PPP6R2: variants seen among roughly 807,000 people sequenced by gnomAD.
PPP6R2 encodes serine/threonine-protein phosphatase 6 regulatory subunit 2.
In PPP6R2, 62 loss-of-function variants were observed where a neutral mutation model predicts 100.2. That is an observed-to-expected ratio of 0.62 (90% CI 0.50 to 0.76). The LOEUF (loss-of-function observed/expected upper bound fraction) is 0.76, where lower values mean the gene tolerates loss of function less well. Ranked by LOEUF, PPP6R2 falls within the 30% of genes least tolerant of loss-of-function variation. The pLI is 0.00. For missense variants in PPP6R2, 1,142 were observed against 1,276.3 expected (o/e 0.89, Z 1.60); for synonymous variants, 525 against 514.7 (o/e 1.02, Z -0.27).
chr22:50,435,173 G>T, intron 13 of PPP6R2, 92 bp downstream of exon 13: 1 of 1,058,928 alleles, frequency 9.4e-7, no homozygotes, highest in Non-Finnish European at 1.3e-6. Flanking sequence ...CCCGGCAGCA[G>T]GTGCTGACTG....
rs1046202675 is a variant in PPP6R2, at chr22:50,431,907, C to A, written c.1336-358C>A. Among the ~76,000 whole-genome samples the A allele has an allele frequency of 6.6e-6, 1 of 152,056 alleles. No individual in the cohort carries two copies. The highest frequency in any genetic ancestry group is 2.4e-5 in the African/African-American group (1 of 41,388). On this transcript the variant is annotated intron_variant, in intron 11 of 23. Coordinates refer to ENST00000612753, the MANE Select transcript of PPP6R2 (RefSeq NM_001242898.2). The surrounding 1 kb of genome is among the most constrained non-coding windows in gnomAD (Gnocchi z 4.8). ...GGGCAGACAGCCCTAGTCGTTCTTC[C>A]GGACACAGAGAAAGAGGGCAGGAGA... is the stretch of plus-strand genomic sequence containing the variant.
At chr22:50,425,270 C>G (rs2061935593) in intron 10 of PPP6R2, among the ~76,000 whole-genome samples, 1 of 152,154 alleles carries the variant, frequency 6.6e-6, no homozygotes, top group African/African-American at 2.4e-5. Context: ...TTGTGACTGA[C>G]TTATTTCACT....
Position 50,422,290 on chromosome 22 carries a change from G to A in PPP6R2, c.882G>A (p.Leu294=), listed in dbSNP as rs372362426. 496 of 1,613,982 alleles carry A rather than the reference G, an allele frequency of 3.1e-4. No homozygotes were observed. The highest frequency in any genetic ancestry group is 4.0e-4 in the Non-Finnish European group (476 of 1,179,974). Residue 294 remains leucine, a synonymous_variant, in exon 9 of 24, where the codon CTG becomes CTA. Coordinates refer to ENST00000612753, the MANE Select transcript of PPP6R2 (RefSeq NM_001242898.2). ...EGLVDSFSQG[L]ERSYAVSSSV... ...TGGTGGACTCCTTTTCTCAGGGACT[G>A]GAAAGGTCATACGCTGTCAGCAGCA...
intron 2 of PPP6R2, among the ~76,000 whole-genome samples, chr22:50,392,517 C>T (rs1407606474): frequency 6.6e-6 from 1 of 152,200 alleles, no homozygotes; most frequent in Admixed American, 6.5e-5. Flanking sequence ...GTGTATAGAT[C>T]GGAGGCTGCA....
chr22:50,339,783 T>TGTG (rs1338800316), upstream of PPP6R2, among the ~76,000 whole-genome samples: 49 of 103,608 alleles, frequency 4.7e-4, 3 homozygotes, highest in African/African-American at 2.8e-3. Flanking sequence ...ATGTGGTGTG[T>TGTG]GTGTGGTGTG....
chr22:50,404,433 C>T (rs2058524395), intron 3 of PPP6R2, among the ~76,000 whole-genome samples: 1 of 151,880 alleles, frequency 6.6e-6, no homozygotes, highest in Non-Finnish European at 1.5e-5. Flanking sequence ...CTCTGCCACC[C>T]AGGCTGGAGT....
chr22:50,357,930 C>T (rs528233820), intron 1 of PPP6R2, among the ~76,000 whole-genome samples: 3 of 151,624 alleles, frequency 2.0e-5, no homozygotes, highest in East Asian at 1.9e-4. Flanking sequence ...GGCACCTGGC[C>T]CCTGGCTAAT....
chr22:50,332,603 G>C, the PPP6R2 span, among the ~76,000 whole-genome samples: 1 of 150,710 alleles, frequency 6.6e-6, no homozygotes, highest in South Asian at 2.1e-4. Context: ...TATGGTATGA[G>C]ATAAGGAGAT....
Position 50,419,399 on chromosome 22 carries a change from C to A in PPP6R2, c.782C>A (p.Thr261Lys), listed in dbSNP as rs773106672. The A allele has an allele frequency of 2.3e-5, 37 of 1,614,026 alleles. No individual in the cohort carries two copies. In the South Asian group the frequency reaches 3.7e-4, roughly 16 times the overall value. ...LLKNMFDGDR[T>K]ESCLVSGTQV... ...AAGAACATGTTTGATGGAGACCGGACGGAGAGCTGCCTCGTCAGTGGGACT... is the reference window on the plus strand; with the variant it reads ...AAGAACATGTTTGATGGAGACCGGAAGGAGAGCTGCCTCGTCAGTGGGACT... Residue 261 changes from threonine to lysine, a missense_variant, in exon 8 of 24, where the codon ACG becomes AAG. By Grantham distance (78) the Thr-to-Lys change is moderately conservative. Around this residue, in one of 2 missense-constraint regions of PPP6R2, gnomAD observed 592 missense variants for 758.9 expected, o/e 0.78. Coordinates refer to ENST00000612753, the MANE Select transcript of PPP6R2 (RefSeq NM_001242898.2).
intron 7 of PPP6R2, 120 bp from the exon 8 acceptor site, chr22:50,419,229 C>T: frequency 1.1e-6 from 1 of 925,288 alleles, no homozygotes. Flanking sequence ...GGCGCCTTGC[C>T]TTGAGCCTGA....
chr22:50,371,527 T>C (rs1230902042), intron 1 of PPP6R2, among the ~76,000 whole-genome samples: 1 of 152,190 alleles, frequency 6.6e-6, no homozygotes, highest in Non-Finnish European at 1.5e-5. Flanking sequence ...AAAACTATCT[T>C]AAAATATCAT....
intron 1 of PPP6R2, among the ~76,000 whole-genome samples, chr22:50,346,856 T>C (rs1004733932): frequency 8.0e-5 from 11 of 137,708 alleles, no homozygotes; most frequent in Non-Finnish European, 1.7e-4. Context: ...CTTTCTGTCA[T>C]GTCCCCACTT....
chr22:50,421,784 C>G (rs1404369543), intron 8 of PPP6R2, among the ~76,000 whole-genome samples: 3 of 152,114 alleles, frequency 2.0e-5, no homozygotes, highest in African/African-American at 7.2e-5. Flanking sequence ...AGGAGAATCG[C>G]TTGAACCCAG....
chr22:50,382,568 C>T (rs1327481174), intron 2 of PPP6R2, among the ~76,000 whole-genome samples: 1 of 149,346 alleles, frequency 6.7e-6, no homozygotes, highest in Non-Finnish European at 1.5e-5. Flanking sequence ...GTACCACCAA[C>T]AAACACACTG....
intron 8 of PPP6R2, among the ~76,000 whole-genome samples, chr22:50,421,314 G>A (rs2061300572): frequency 6.6e-6 from 1 of 152,146 alleles, no homozygotes; most frequent in Non-Finnish European, 1.5e-5. Context: ...ACAGAGATAA[G>A]CCAGCTGTTT....
Position 50,414,580 on chromosome 22 carries a change from A to C in PPP6R2, c.443A>C (p.Lys148Thr). Reference sequence around the variant, plus strand: ...ATTACGTTTTTGAAGAAGAAGGACAAGTTCATCAGCCTGGTGTTGAAGCAC... The same window carrying C: ...ATTACGTTTTTGAAGAAGAAGGACACGTTCATCAGCCTGGTGTTGAAGCAC... ...QVITFLKKKD[K>T]FISLVLKHIG... is the part of the protein sequence containing the mutation. The change falls in exon 5 of 24, where the codon AAG becomes ACG. Residue 148 changes from lysine to threonine, a missense_variant. By Grantham distance (78) the Lys-to-Thr change is moderately conservative. This residue lies in a region of PPP6R2 where 592 missense variants were observed against 758.9 expected (regional missense o/e 0.78). Coordinates refer to ENST00000612753, the MANE Select transcript of PPP6R2 (RefSeq NM_001242898.2). 1.2e-6 allele frequency: 2 copies of C among 1,613,930 alleles called. No individual in the cohort carries two copies. The highest frequency in any genetic ancestry group is 1.7e-6 in the Non-Finnish European group (2 of 1,179,938).
chr22:50,389,721 C>G (rs1046378080), intron 2 of PPP6R2, among the ~76,000 whole-genome samples: 3 of 152,070 alleles, frequency 2.0e-5, no homozygotes, highest in Admixed American at 6.6e-5. Flanking sequence ...GCCTCAGCCT[C>G]CCGACTAGCT....
intron 1 of PPP6R2, among the ~76,000 whole-genome samples, chr22:50,364,049 C>G (rs1181136623): frequency 6.6e-6 from 1 of 152,018 alleles, no homozygotes; most frequent in Non-Finnish European, 1.5e-5. Context: ...CATGCACCAC[C>G]ACGTCTGGCT....
intron 4 of PPP6R2, among the ~76,000 whole-genome samples, chr22:50,410,138 A>T (rs538870802): frequency 2.0e-4 from 30 of 151,804 alleles, no homozygotes; most frequent in African/African-American, 6.8e-4. Context: ...CACTTTCTAC[A>T]TTCTCCCTCT....
Sources: gnomAD v4.1 joint callset for allele counts (sites outside exome capture counted in the v4.1 genomes callset) on GRCh38, gnomAD v4.1.1 for gene constraint, gnomAD v4.1.1 regional missense constraint, Gnocchi (gnomAD v3.1) non-coding constraint, MANE v1.5 for transcripts, NCBI Gene and HGNC (gene_info 2026-07-23, HGNC 2026-07-21) for gene names.